The following OLFM3 variants were observed in gnomAD, a reference collection of about 807,000 sequenced individuals.
OLFM3 encodes olfactomedin 3.
OLFM3 carries 20 observed loss-of-function variants against 48.6 expected under a neutral mutation model. The observed-to-expected ratio is 0.41, with a 90% CI of 0.29 to 0.60. The LOEUF (loss-of-function observed/expected upper bound fraction) is 0.60. OLFM3 is among the 20% of genes least tolerant of loss of function. OLFM3 has a pLI of 0.28. For synonymous variants in OLFM3, 222 were observed against 198.1 expected, an observed-to-expected ratio of 1.12 and a Z score of -1.01; for missense variants, 437 against 544.3, an observed-to-expected ratio of 0.80 and a Z score of 1.96.
intron 1 of OLFM3, among the ~76,000 whole-genome samples, chr1:101,938,786 C>A (rs1659700120): frequency 6.6e-6 from 1 of 152,126 alleles, no homozygotes; most frequent in South Asian, 2.1e-4. Flanking sequence ...GTAACAAGTC[C>A]CCCCGAGGCC....
intron 4 of OLFM3, among the ~76,000 whole-genome samples, chr1:101,810,887 G>T (rs1029908463): frequency 1.3e-5 from 2 of 151,630 alleles, no homozygotes; most frequent in Admixed American, 6.6e-5. Context: ...TAGTAAATGT[G>T]CAGGAGCTGT....
In OLFM3 at chr1:101,895,813, A is replaced by T. The variant is rs1256863539; in HGVS notation, c.70-58788T>A. The stretch of plus-strand genomic sequence containing the variant: ...TTTTATGTTACACTGCAAATGAAAA[A>T]CTTGCAAAATTTTCAGTGTTTGTAT... On this transcript the variant is annotated intron_variant, in intron 1 of 5. Coordinates refer to ENST00000370103, the MANE Select transcript of OLFM3 (RefSeq NM_058170.4). Among the ~76,000 whole-genome samples, 4 of 152,050 alleles carry T rather than the reference A, an allele frequency of 2.6e-5. No individual in the cohort carries two copies. The East Asian group carries it at 7.7e-4, about 29-fold the overall frequency.
intron 4 of OLFM3, among the ~76,000 whole-genome samples, chr1:101,824,643 AAACAACAACAACAAC>A (rs149607229): frequency 1.1e-3 from 160 of 150,530 alleles, no homozygotes; most frequent in Non-Finnish European, 1.4e-3. Flanking sequence ...CCCACTAACC[AAACAACAACAACAAC>A]AACAACAACA....
intron 1 of OLFM3, among the ~76,000 whole-genome samples, chr1:101,909,875 A>C (rs967168056): frequency 6.6e-5 from 10 of 152,180 alleles, no homozygotes; most frequent in African/African-American, 2.4e-4. Flanking sequence ...TGGTTTGAAG[A>C]ATATTAAGAT....
At chr1:101,810,169 C>G (rs1653981408) in intron 4 of OLFM3, among the ~76,000 whole-genome samples, 1 of 151,786 alleles carries the variant, frequency 6.6e-6, no homozygotes, top group Non-Finnish European at 1.5e-5. Flanking sequence ...AGATTCAAAT[C>G]TAAGACTTGA....
chr1:101,984,720 T>C (rs1661189955), intron 1 of OLFM3, among the ~76,000 whole-genome samples: 1 of 152,168 alleles, frequency 6.6e-6, no homozygotes, highest in East Asian at 1.9e-4. Flanking sequence ...ATTTCTATAT[T>C]ATCTATCTTC....
At chr1:101,959,780 G>A (rs943998510) in intron 1 of OLFM3, among the ~76,000 whole-genome samples, 19 of 152,110 alleles carry the variant, frequency 1.2e-4, no homozygotes, top group African/African-American at 4.6e-4. Flanking sequence ...GTTAGTGATT[G>A]GACATGACTT....
chr1:101,990,595 T>C (rs1661370822), intron 1 of OLFM3, among the ~76,000 whole-genome samples: 1 of 152,234 alleles, frequency 6.6e-6, no homozygotes. Flanking sequence ...CCACTTCTTA[T>C]TTCATGTCCA....
chr1:101,899,741 C>A (rs772539946), intron 1 of OLFM3, among the ~76,000 whole-genome samples: 1 of 151,850 alleles, frequency 6.6e-6, no homozygotes, highest in Non-Finnish European at 1.5e-5. Flanking sequence ...AAATACAAAA[C>A]TGTTTGAACT....
At chr1:101,925,929 G>A (rs1659258194) in intron 1 of OLFM3, among the ~76,000 whole-genome samples, 1 of 152,080 alleles carries the variant, frequency 6.6e-6, no homozygotes, top group African/African-American at 2.4e-5. Flanking sequence ...TTAGCCCATG[G>A]TGGATTCTTA....
intron 1 of OLFM3, chr1:101,893,494 T>C (rs1001158766): frequency 2.1e-4 from 62 of 294,348 alleles, no homozygotes; most frequent in Non-Finnish European, 3.3e-4. Context: ...GGCCAGAAAA[T>C]AACATCTCAT....
intron 1 of OLFM3, chr1:101,846,998 T>C (rs1291591954): frequency 1.8e-5 from 28 of 1,594,942 alleles, no homozygotes; most frequent in East Asian, 2.3e-5. Flanking sequence ...TGAGTTTTCA[T>C]AGTGACTGAT....
chr1:101,928,174 T>C (rs1431979587), intron 1 of OLFM3, among the ~76,000 whole-genome samples: 1 of 152,138 alleles, frequency 6.6e-6, no homozygotes, highest in Non-Finnish European at 1.5e-5. Context: ...TCTTTCTTCA[T>C]ATGGGAACAT....
chr1:101,884,047 G>GCAC (rs1657644421), intron 1 of OLFM3, among the ~76,000 whole-genome samples: 1 of 151,656 alleles, frequency 6.6e-6, no homozygotes. Context: ...TTTGTTCACA[G>GCAC]CACCATCAAT....
At chr1:101,837,294 C>T (rs1422039537) in intron 1 of OLFM3, among the ~76,000 whole-genome samples, 2 of 152,118 alleles carry the variant, frequency 1.3e-5, no homozygotes, top group Non-Finnish European at 2.9e-5. Context: ...TTTCCCAATG[C>T]TTTTTCTATT....
intron 1 of OLFM3, among the ~76,000 whole-genome samples, chr1:101,987,696 C>A (rs748129663): frequency 6.6e-6 from 1 of 152,086 alleles, no homozygotes; most frequent in African/African-American, 2.4e-5. Flanking sequence ...ATCTTGCCAT[C>A]TGGAATTGGT....
chr1:101,985,028 C>T (rs1048698870), intron 1 of OLFM3, among the ~76,000 whole-genome samples: 4 of 152,230 alleles, frequency 2.6e-5, no homozygotes, highest in African/African-American at 9.6e-5. Context: ...GCATTCCTTT[C>T]TAAAGGGTCT....
chr1:101,844,427 G>A (rs1244900530), intron 1 of OLFM3, among the ~76,000 whole-genome samples: 1 of 152,146 alleles, frequency 6.6e-6, no homozygotes, highest in Non-Finnish European at 1.5e-5. Flanking sequence ...GACCAAGAGG[G>A]CCAATGACTG....
At chr1:101,895,412 T>C (rs993317710) in intron 1 of OLFM3, among the ~76,000 whole-genome samples, 20 of 144,204 alleles carry the variant, frequency 1.4e-4, no homozygotes, top group East Asian at 6.2e-4. Context: ...AGCTCAAGAA[T>C]ACACACACAC....
Sources: allele counts gnomAD v4.1 joint callset (sites outside exome capture counted in the v4.1 genomes callset), GRCh38; gene constraint gnomAD v4.1.1; transcripts MANE v1.5; gene names NCBI Gene and HGNC (gene_info 2026-07-23, HGNC 2026-07-21).